The following VAX2 variants were observed in gnomAD, a reference collection of about 807,000 sequenced individuals.
VAX2 encodes the protein ventral anterior homeobox 2.
Under a neutral mutation model 12.5 loss-of-function variants are expected in VAX2, and 8 were observed. The ratio of observed to expected loss-of-function variants is 0.64; its 90% confidence interval spans 0.37 to 1.15. VAX2 has a LOEUF of 1.15. VAX2 is among the 50% of genes most tolerant of loss of function. The pLI is 0.01. For synonymous variants in VAX2, 183 were observed against 187.6 expected, an observed-to-expected ratio of 0.98 and a Z score of 0.20; for missense variants, 476 against 412.9, an observed-to-expected ratio of 1.15 and a Z score of -1.32.
chr2:70,903,181 T>G (rs551196082), intron 1 of VAX2, among the ~76,000 whole-genome samples: 17 of 152,202 alleles, frequency 1.1e-4, no homozygotes, highest in South Asian at 2.1e-4. Flanking sequence ...GGCCCCTGAA[T>G]GAACATTCCT....
chr2:70,927,724 G>A (rs555602941), intron 2 of VAX2, among the ~76,000 whole-genome samples: 57 of 152,112 alleles, frequency 3.7e-4, no homozygotes, highest in African/African-American at 1.1e-3. Flanking sequence ...CTCCTGGTGC[G>A]CGGCCATGGA....
At chr2:70,920,406 T>A (rs2104775839) in intron 1 of VAX2, among the ~76,000 whole-genome samples, 1 of 152,214 alleles carries the variant, frequency 6.6e-6, no homozygotes, top group East Asian at 1.9e-4. Flanking sequence ...GCGGAGGGCA[T>A]TGGTCAGAGC....
intron 2 of VAX2, among the ~76,000 whole-genome samples, chr2:70,932,233 C>T (rs1679708709): frequency 6.6e-6 from 1 of 152,116 alleles, no homozygotes; most frequent in African/African-American, 2.4e-5. Context: ...GCGTGGGAAG[C>T]CTCTGTTTGG....
chr2:70,916,828 G>A, intron 1 of VAX2, among the ~76,000 whole-genome samples: 1 of 152,078 alleles, frequency 6.6e-6, no homozygotes, highest in East Asian at 1.9e-4. Flanking sequence ...ATGATCATTT[G>A]TATACAGGTT....
chr2:70,921,781 G>A (rs1476045821), intron 2 of VAX2, among the ~76,000 whole-genome samples: 2 of 151,996 alleles, frequency 1.3e-5, no homozygotes, highest in Admixed American at 6.6e-5. Context: ...TGTTGGAAAG[G>A]AGGGGTCTGC....
chr2:70,921,318 G>A, intron 2 of VAX2, 33 bp downstream of exon 2: 2 of 1,535,800 alleles, frequency 1.3e-6, no homozygotes, highest in South Asian at 1.2e-5. Flanking sequence ...CTCCACTCTT[G>A]TCCTGGCAGC....
chr2:70,913,385 A>G (rs1360009183), intron 1 of VAX2, among the ~76,000 whole-genome samples: 2 of 152,216 alleles, frequency 1.3e-5, no homozygotes, highest in African/African-American at 2.4e-5. Context: ...TTTTATTAGA[A>G]ATAAATTGCT....
At chr2:70,906,885 C>T (rs545306916) in intron 1 of VAX2, among the ~76,000 whole-genome samples, 1 of 152,270 alleles carries the variant, frequency 6.6e-6, no homozygotes, top group African/African-American at 2.4e-5. Context: ...GCCTGCTTCC[C>T]TTGAAGCCAG....
intron 2 of VAX2, among the ~76,000 whole-genome samples, chr2:70,928,534 G>A (rs1007629156): frequency 6.6e-6 from 1 of 152,136 alleles, no homozygotes; most frequent in Non-Finnish European, 1.5e-5. Context: ...CACCTTCTCA[G>A]GAGACGCCCA....
At chr2:70,929,466 A>G (rs1679643879) in intron 2 of VAX2, among the ~76,000 whole-genome samples, 1 of 134,186 alleles carries the variant, frequency 7.5e-6, no homozygotes, top group South Asian at 2.6e-4. Flanking sequence ...AGGTGGGCAG[A>G]TCACGAGGTC....
chr2:70,910,800 C>CAA (rs146398686), intron 1 of VAX2, among the ~76,000 whole-genome samples: 2,515 of 143,196 alleles, frequency 0.018, 53 homozygotes, highest in African/African-American at 0.053. Flanking sequence ...AAAAACAAAA[C>CAA]AAAACAAAAA....
At position 70,904,085 on chromosome 2, in the gene VAX2, G is replaced by A. The variant is rs782111101; in HGVS notation, c.247+3217G>A. On this transcript the variant is annotated intron_variant, in intron 1 of 2. Transcript: ENST00000234392. This position sits in a 1 kb window ranked among gnomAD's most constrained non-coding sequence, Gnocchi z 4.2. The stretch of plus-strand genomic sequence containing the variant: ...AGATGATAGGCCGGGCGCATAACAG[G>A]CACCCCGCACATCGCACCGCGGACG... Among the ~76,000 whole-genome samples, 12 of 152,196 alleles carry A rather than the reference G, an allele frequency of 7.9e-5. No individual in the cohort carries two copies. The highest frequency in any genetic ancestry group is 7.7e-4 in the East Asian group (4 of 5,182).
At chr2:70,923,402 C>T (rs1377368385) in intron 2 of VAX2, among the ~76,000 whole-genome samples, 3 of 152,162 alleles carry the variant, frequency 2.0e-5, no homozygotes, top group Admixed American at 1.3e-4. Flanking sequence ...ATGGTATGTT[C>T]CAACCACCAG....
intron 1 of VAX2, among the ~76,000 whole-genome samples, chr2:70,910,362 A>T (rs992739555): frequency 1.3e-5 from 2 of 152,182 alleles, no homozygotes; most frequent in South Asian, 4.1e-4. Flanking sequence ...ATATAATTAC[A>T]GGATAAATTC....
rs910965432 is a variant in VAX2, at chr2:70,933,138, C to T, written c.807C>T (p.Phe269=). The change falls in exon 3 of 3, where the codon TTC becomes TTT. Residue 269 remains phenylalanine (F), a synonymous_variant. Coordinates refer to ENST00000234392, the MANE Select transcript of VAX2 (RefSeq NM_012476.3). ...PAGYELGSSA[F]EPYSWLERKV... ...GCTACGAACTGGGTTCCTCGGCCTT[C>T]GAGCCATACAGCTGGCTAGAACGGA... 8.1e-6 allele frequency: 13 copies of T among 1,595,308 alleles called. No homozygotes were observed. The highest frequency in any genetic ancestry group is 5.2e-5 in the Admixed American group (3 of 57,330).
At chr2:70,926,024 A>G (rs3771389) in intron 2 of VAX2, among the ~76,000 whole-genome samples, 55,464 of 151,558 alleles carry the variant, frequency 0.37, 10,720 homozygotes, top group East Asian at 0.49. Context: ...TCAGGCAGAG[A>G]AAACACAGAG....
intron 1 of VAX2, among the ~76,000 whole-genome samples, chr2:70,915,153 C>T (rs1679281910): frequency 6.6e-6 from 1 of 151,702 alleles, no homozygotes; most frequent in African/African-American, 2.4e-5. Context: ...TGTACTTTAC[C>T]TTGATTTTGG....
intron 2 of VAX2, among the ~76,000 whole-genome samples, chr2:70,922,216 C>T: frequency 6.6e-6 from 1 of 152,186 alleles, no homozygotes; most frequent in East Asian, 1.9e-4. Flanking sequence ...AGTTTGCTCT[C>T]ATATATGAGG....
intron 1 of VAX2, among the ~76,000 whole-genome samples, chr2:70,913,844 A>G (rs1340591594): frequency 6.6e-6 from 1 of 152,208 alleles, no homozygotes; most frequent in Non-Finnish European, 1.5e-5. Context: ...AGGGCTTATT[A>G]AATACATGTT....
Sources: allele counts gnomAD v4.1 joint callset (sites outside exome capture counted in the v4.1 genomes callset), GRCh38; gene constraint gnomAD v4.1.1; non-coding constraint Gnocchi (gnomAD v3.1); transcripts MANE v1.5; gene names NCBI Gene and HGNC (gene_info 2026-07-23, HGNC 2026-07-21).